FHIT: variants seen among roughly 807,000 people sequenced by gnomAD.
FHIT encodes fragile histidine triad diadenosine triphosphatase, also known as bis(5'-adenosyl)-triphosphatase.
A neutral mutation model predicts 17.9 loss-of-function variants in FHIT; 19 were observed. That is an observed-to-expected ratio of 1.06 (90% CI 0.74 to 1.56). The LOEUF is 1.56. FHIT is among the 40% of genes most tolerant of loss of function. The pLI, the probability that FHIT is intolerant of heterozygous loss-of-function variation, is 0.00. For synonymous variants in FHIT, 81 were observed against 69.7 expected, an observed-to-expected ratio of 1.16 and a Z score of -0.81; for missense variants, 248 against 189.2, an observed-to-expected ratio of 1.31 and a Z score of -1.82.
intron 7 of FHIT, among the ~76,000 whole-genome samples, chr3:59,943,599 A>G (rs920024757): frequency 1.3e-5 from 2 of 152,120 alleles, no homozygotes; most frequent in African/African-American, 4.8e-5. Flanking sequence ...TGTCTGTAAA[A>G]GGCACCAATA....
intron 4 of FHIT, among the ~76,000 whole-genome samples, chr3:60,644,316 G>A (rs1166207306): frequency 6.6e-6 from 1 of 152,050 alleles, no homozygotes. Context: ...ATATTAAAAT[G>A]GGAGAAAACA....
chr3:60,651,720 C>T (rs935639635), intron 4 of FHIT, among the ~76,000 whole-genome samples: 1 of 152,060 alleles, frequency 6.6e-6, no homozygotes, highest in Non-Finnish European at 1.5e-5. Context: ...ATTAATGAAA[C>T]CTTCCTGCAA....
At chr3:60,786,048 T>A (rs1700564544) in intron 4 of FHIT, among the ~76,000 whole-genome samples, 2 of 152,220 alleles carry the variant, frequency 1.3e-5, no homozygotes, top group South Asian at 4.1e-4. Context: ...CTAACTTTCC[T>A]ACATTCAGTG....
At chr3:59,971,078 G>C (rs1708157695) in intron 7 of FHIT, among the ~76,000 whole-genome samples, 1 of 151,936 alleles carries the variant, frequency 6.6e-6, no homozygotes, top group Admixed American at 6.6e-5. Flanking sequence ...TTGGGAATTA[G>C]GACAAAATTT....
intron 7 of FHIT, among the ~76,000 whole-genome samples, chr3:59,932,224 ATAAAATGCTG>A (rs1706007530): frequency 6.6e-6 from 1 of 152,220 alleles, no homozygotes; most frequent in African/African-American, 2.4e-5. Context: ...ACTGGATCAC[ATAAAATGCTG>A]TGATAGGCAC....
chr3:59,913,236 G>A (rs4679622), intron 8 of FHIT, among the ~76,000 whole-genome samples: 43,463 of 151,998 alleles, frequency 0.29, 7,190 homozygotes, highest in Admixed American at 0.42. Context: ...TGTCTCTAAG[G>A]TTGAACAGGG....
rs143098893 is a variant in FHIT at position 59,956,093 on chromosome 3, G to A, written c.280-33679C>T. Among the ~76,000 whole-genome samples, 76 of 152,290 alleles carry A rather than the reference G, an allele frequency of 5.0e-4. No homozygotes were observed. The East Asian group carries it at 0.013, about 26-fold the overall frequency. ...CTATCATTTGGCTGCATTTCTACTT[G>A]CCTATTTTTCATACTCGGAACAATC... On this transcript the variant is annotated intron_variant, in intron 7 of 9. Transcript: ENST00000492590.
At chr3:61,045,061 G>T (rs529418500) in intron 2 of FHIT, among the ~76,000 whole-genome samples, 178 of 152,296 alleles carry the variant, frequency 1.2e-3, no homozygotes, top group Non-Finnish European at 1.1e-3. Flanking sequence ...ATACTAGGAA[G>T]AAACTGCATC....
Position 60,690,044 on chromosome 3 carries a change from T to A in FHIT, c.-18+131875A>T, listed in dbSNP as rs137861335. Among the ~76,000 whole-genome samples, 1,005 of 152,316 alleles carry A rather than the reference T, an allele frequency of 6.6e-3. 9 individuals carry two copies. Among genetic ancestry groups the A allele is most frequent in the African/African-American group, 0.021 (867 of 41,564 alleles). On this transcript the variant is annotated intron_variant, in intron 4 of 9. Transcript: ENST00000492590. ...TTATTTAGTTTTTATTTCATAATCA[T>A]AAACTTAACTCTGCAATCCAGCTAG...
chr3:61,204,066 T>C (rs971629817), intron 1 of FHIT, among the ~76,000 whole-genome samples: 2 of 152,176 alleles, frequency 1.3e-5, no homozygotes, highest in Non-Finnish European at 1.5e-5. Context: ...TCTCAAAATA[T>C]AATGTAAAAC....
chr3:60,342,084 C>A (rs1002436284), intron 5 of FHIT, among the ~76,000 whole-genome samples: 1 of 152,178 alleles, frequency 6.6e-6, no homozygotes, highest in African/African-American at 2.4e-5. Flanking sequence ...ATACACAGGA[C>A]CTGAAGATGC....
chr3:60,676,815 A>AT (rs1311955118), intron 4 of FHIT, among the ~76,000 whole-genome samples: 12 of 151,982 alleles, frequency 7.9e-5, no homozygotes, highest in African/African-American at 9.7e-5. Context: ...ACAAGAACTC[A>AT]TTTTTTTTAA....
chr3:60,513,926 G>C (rs2035043630), intron 5 of FHIT, among the ~76,000 whole-genome samples: 2 of 152,324 alleles, frequency 1.3e-5, no homozygotes, highest in East Asian at 3.9e-4. Context: ...GAACAGGAGA[G>C]AAGAGGAGAG....
intron 4 of FHIT, among the ~76,000 whole-genome samples, chr3:60,796,477 A>C (rs2108132723): frequency 6.6e-6 from 1 of 152,250 alleles, no homozygotes; most frequent in Middle Eastern, 3.4e-3. Flanking sequence ...GCTGTAGCCC[A>C]TAGCTCATAT....
intron 5 of FHIT, among the ~76,000 whole-genome samples, chr3:60,226,493 A>AAAAAACAAAAAAC (rs200934161): frequency 6.8e-6 from 1 of 147,058 alleles, no homozygotes; most frequent in Admixed American, 6.7e-5. Context: ...AAAAAAAAAA[A>AAAAAACAAAAAAC]ACACTGCCTG....
chr3:60,474,902 C>T (rs927558642), intron 5 of FHIT, among the ~76,000 whole-genome samples: 3 of 152,134 alleles, frequency 2.0e-5, no homozygotes. Flanking sequence ...GGATTACAGG[C>T]GTGAGCCACC....
chr3:61,161,995 T>C (rs2037710705), intron 2 of FHIT, among the ~76,000 whole-genome samples: 1 of 152,344 alleles, frequency 6.6e-6, no homozygotes, highest in South Asian at 2.1e-4. Flanking sequence ...ATTAGGTAAG[T>C]GTTTAACACA....
At chr3:60,802,426 A>G (rs1701224610) in intron 4 of FHIT, among the ~76,000 whole-genome samples, 1 of 152,222 alleles carries the variant, frequency 6.6e-6, no homozygotes, top group Admixed American at 6.5e-5. Flanking sequence ...CCATGGGCTC[A>G]TTATTGGCTC....
At chr3:59,792,107 C>CTTGGTTT (rs1699589692) in intron 8 of FHIT, among the ~76,000 whole-genome samples, 4 of 151,798 alleles carry the variant, frequency 2.6e-5, no homozygotes, top group African/African-American at 7.2e-5. Context: ...TATTCTGTGT[C>CTTGGTTT]AAATGGAATG....
Sources: allele counts gnomAD v4.1 joint callset (sites outside exome capture counted in the v4.1 genomes callset), GRCh38; gene constraint gnomAD v4.1.1; transcripts MANE v1.5; gene names NCBI Gene and HGNC (gene_info 2026-07-23, HGNC 2026-07-21).